The following ATAD2B variants were observed in gnomAD, a reference collection of about 807,000 sequenced individuals.
ATAD2B encodes ATPase family AAA domain-containing protein 2B.
Under a neutral mutation model 167.6 loss-of-function variants are expected in ATAD2B, and 40 were observed. The ratio of observed to expected loss-of-function variants is 0.24; its 90% CI spans 0.19 to 0.31. The LOEUF (loss-of-function observed/expected upper bound fraction) is 0.31. ATAD2B is among the 10% of genes least tolerant of loss of function. The pLI is 1.00. For missense variants in ATAD2B, 1,242 were observed against 1,757.2 expected (o/e 0.71, Z 5.24); for synonymous variants, 579 against 596.5 (o/e 0.97, Z 0.43).
chr2:23,923,812 G>A (rs969136006), intron 1 of ATAD2B, among the ~76,000 whole-genome samples: 17 of 152,140 alleles, frequency 1.1e-4, no homozygotes, highest in African/African-American at 3.6e-4. Flanking sequence ...CAAATAAAAT[G>A]TCTCTGGACA....
At chr2:23,733,912 A>G in the ATAD2B span, among the ~76,000 whole-genome samples, 1 of 151,926 alleles carries the variant, frequency 6.6e-6, no homozygotes, top group Non-Finnish European at 1.5e-5. Context: ...GCTTTATTCT[A>G]AAGTACACAG....
At chr2:23,850,546 C>T (rs959491228) in intron 13 of ATAD2B, among the ~76,000 whole-genome samples, 1 of 152,012 alleles carries the variant, frequency 6.6e-6, no homozygotes, top group African/African-American at 2.4e-5. Context: ...TAAAAGAAGC[C>T]AATCTGAAAA....
In ATAD2B at chr2:23,823,529, G is replaced by A. The variant is rs370694774; in HGVS notation, c.1860C>T (p.Ala620=). 5.7e-5 allele frequency: 92 copies of A among 1,613,098 alleles called. No individual in the cohort carries two copies. The highest frequency in any genetic ancestry group is 9.3e-5 in the African/African-American group (7 of 74,906). The part of the protein sequence containing the change: ...GADIKALCTE[A]ALIALRRRYP... ...AACGCCTCCGCAGTGCAATCAGGGC[G>A]GCTTCAGTGCACAGGGCCTTGATAT... Residue 620 remains alanine, a synonymous_variant, in exon 16 of 28, where the codon GCC becomes GCT. Transcript: ENST00000238789.
chr2:23,758,091 C>G lies in ATAD2B; in HGVS notation c.3405G>C (p.Arg1135=), dbSNP rs946309964. 2.6e-6 allele frequency: 4 copies of G among 1,566,298 alleles called. No homozygotes were observed. The highest frequency in any genetic ancestry group is 2.8e-5 in the African/African-American group (2 of 72,432). The change falls in exon 25 of 28, where the codon CGG becomes CGC. Residue 1135 remains arginine, a synonymous_variant. Transcript: ENST00000238789. ...ACTGTGATCTCCGCCTTGATTTTCT[C>G]CGAACCCGAACTGTTTTACAAGGAA... ...NSANKCAFRV[R]RKSRRRSQWG...
At chr2:23,885,189 T>A (rs2150255575) in intron 5 of ATAD2B, among the ~76,000 whole-genome samples, 1 of 152,226 alleles carries the variant, frequency 6.6e-6, no homozygotes, top group East Asian at 1.9e-4. Flanking sequence ...TTAAATGTCA[T>A]AAAGAGAGGT....
At chr2:23,864,194 G>A (rs987795383) in intron 11 of ATAD2B, among the ~76,000 whole-genome samples, 9 of 151,834 alleles carry the variant, frequency 5.9e-5, no homozygotes, top group South Asian at 2.1e-4. Context: ...CAGTAGAGAC[G>A]AGGTTTCACC....
chr2:23,798,025 GAT>G, intron 19 of ATAD2B, 111 bp downstream of exon 19: 1 of 694,622 alleles, frequency 1.4e-6, no homozygotes. Context: ...TTACACCCAG[GAT>G]ATAAACCCTG....
At chr2:23,738,632 C>A in the ATAD2B span, among the ~76,000 whole-genome samples, 1 of 152,186 alleles carries the variant, frequency 6.6e-6, no homozygotes, top group Non-Finnish European at 1.5e-5. Flanking sequence ...TAGGAAGAAA[C>A]TGCATCAACT....
chr2:23,828,359 T>G (rs767126364), intron 15 of ATAD2B, among the ~76,000 whole-genome samples: 1 of 152,178 alleles, frequency 6.6e-6, no homozygotes, highest in African/African-American at 2.4e-5. Flanking sequence ...AAGTTTTATA[T>G]TTGGGGAACT....
the ATAD2B span, chr2:23,691,318 G>A: frequency 6.7e-6 from 2 of 298,028 alleles, no homozygotes; most frequent in Admixed American, 4.9e-5. Flanking sequence ...GGATGCGTCG[G>A]CCTGCTTTGG....
chr2:23,860,675 T>G (rs1230584456), intron 12 of ATAD2B, among the ~76,000 whole-genome samples: 1 of 152,158 alleles, frequency 6.6e-6, no homozygotes, highest in Non-Finnish European at 1.5e-5. Flanking sequence ...TAATTTGAAA[T>G]GAAAGACAAT....
chr2:23,912,005 C>T (rs972817057), intron 1 of ATAD2B, among the ~76,000 whole-genome samples: 1 of 149,934 alleles, frequency 6.7e-6, no homozygotes, highest in Non-Finnish European at 1.5e-5. Flanking sequence ...GTAGAAGATG[C>T]ACAAATTTGA....
At chr2:23,685,680 A>G in the ATAD2B span, among the ~76,000 whole-genome samples, 1 of 152,076 alleles carries the variant, frequency 6.6e-6, no homozygotes. Context: ...TTCCCATCTC[A>G]TGGACACCTC....
intron 9 of ATAD2B, among the ~76,000 whole-genome samples, chr2:23,869,068 C>A (rs1265861027): frequency 6.6e-6 from 1 of 152,122 alleles, no homozygotes; most frequent in Non-Finnish European, 1.5e-5. Context: ...GTTTCCAAGA[C>A]CTGCTAACTG....
At chr2:23,726,329 C>A in the ATAD2B span, among the ~76,000 whole-genome samples, 1 of 152,134 alleles carries the variant, frequency 6.6e-6, no homozygotes, top group Non-Finnish European at 1.5e-5. Context: ...TAATAGCCTG[C>A]TGTTGACTAA....
At chr2:23,731,368 T>C in the ATAD2B span, among the ~76,000 whole-genome samples, 1 of 152,216 alleles carries the variant, frequency 6.6e-6, no homozygotes, top group African/African-American at 2.4e-5. Flanking sequence ...TAAGATTACA[T>C]TAGAACTCAC....
At chr2:23,893,323 T>A (rs1322977815) in intron 2 of ATAD2B, among the ~76,000 whole-genome samples, 1 of 152,190 alleles carries the variant, frequency 6.6e-6, no homozygotes, top group Non-Finnish European at 1.5e-5. Context: ...TTCCTCCATA[T>A]GAATTATTAT....
At chr2:23,894,189 T>A (rs1699896604) in intron 2 of ATAD2B, among the ~76,000 whole-genome samples, 1 of 152,010 alleles carries the variant, frequency 6.6e-6, no homozygotes. Context: ...AAGACTTCTA[T>A]ATGAAATATC....
intron 1 of ATAD2B, among the ~76,000 whole-genome samples, chr2:23,923,295 T>G (rs1704223255): frequency 6.6e-6 from 1 of 152,136 alleles, no homozygotes; most frequent in African/African-American, 2.4e-5. Flanking sequence ...GCTAGTTTAG[T>G]GGAATCTAAA....
Sources: allele counts gnomAD v4.1 joint callset (sites outside exome capture counted in the v4.1 genomes callset), GRCh38; gene constraint gnomAD v4.1.1; transcripts MANE v1.5; gene names NCBI Gene and HGNC (gene_info 2026-07-23, HGNC 2026-07-21).